DLG2: variants seen among roughly 807,000 people sequenced by gnomAD.
The protein encoded by DLG2 is discs large MAGUK scaffold protein 2.
Under a neutral mutation model 132.5 loss-of-function variants are expected in DLG2, and 45 were observed. The observed-to-expected ratio is 0.34, with a 90% CI of 0.27 to 0.44. DLG2 has a LOEUF of 0.44. DLG2 is among the 20% of genes least tolerant of loss of function. DLG2 has a pLI of 1.00. For synonymous variants in DLG2, 424 were observed against 419.6 expected (o/e 1.01, Z -0.13); for missense variants, 1,045 against 1,196.9 (o/e 0.87, Z 1.87).
intron 6 of DLG2, among the ~76,000 whole-genome samples, chr11:84,616,699 TTGA>T (rs1223679927): frequency 2.6e-5 from 4 of 152,162 alleles, no homozygotes; most frequent in African/African-American, 9.6e-5. Context: ...GAAAAATGAA[TTGA>T]TGATAATAAC....
intron 19 of DLG2, 129 bp downstream of exon 19, chr11:83,633,082 G>T: frequency 1.4e-6 from 1 of 711,656 alleles, no homozygotes; most frequent in Non-Finnish European, 2.4e-6. Flanking sequence ...TAAACACAAG[G>T]TCTTTCAGTA....
intron 4 of DLG2, among the ~76,000 whole-genome samples, chr11:85,155,443 T>C (rs967304387): frequency 3.3e-5 from 5 of 152,210 alleles, no homozygotes; most frequent in African/African-American, 1.2e-4. Context: ...GATGGAATTC[T>C]GACAGATTCA....
chr11:84,040,994 G>C (rs2096062860), intron 11 of DLG2, among the ~76,000 whole-genome samples: 1 of 151,468 alleles, frequency 6.6e-6, no homozygotes, highest in South Asian at 2.1e-4. Flanking sequence ...TTGTGAATGG[G>C]AGTTCACTCA....
At chr11:83,913,594 AG>A (rs2076433444) in intron 15 of DLG2, among the ~76,000 whole-genome samples, 1 of 152,060 alleles carries the variant, frequency 6.6e-6, no homozygotes, top group African/African-American at 2.4e-5. Context: ...AACTTCAGGG[AG>A]GGGTTTCTGG....
At chr11:84,754,062 G>T (rs1393096615) in intron 6 of DLG2, among the ~76,000 whole-genome samples, 2 of 152,204 alleles carry the variant, frequency 1.3e-5, no homozygotes, top group Non-Finnish European at 2.9e-5. Flanking sequence ...GAGGAAAGAA[G>T]AGGAGGTAAG....
chr11:83,556,382 T>C (rs1593114914), intron 19 of DLG2, among the ~76,000 whole-genome samples: 1 of 151,684 alleles, frequency 6.6e-6, no homozygotes, highest in East Asian at 1.9e-4. Context: ...TTCTTTCTTT[T>C]TTTTTTTTGA....
intron 19 of DLG2, chr11:83,631,463 T>C (rs961997949): frequency 6.6e-6 from 1 of 151,984 alleles, no homozygotes; most frequent in Non-Finnish European, 1.5e-5. Context: ...TAAAAAGAGG[T>C]TCCTCCTTTC....
intron 3 of DLG2, among the ~76,000 whole-genome samples, chr11:85,288,777 T>C (rs906622566): frequency 2.0e-5 from 3 of 152,166 alleles, no homozygotes; most frequent in Non-Finnish European, 4.4e-5. Flanking sequence ...TTTTTGTAGA[T>C]AGTAAAATTT....
intron 8 of DLG2, among the ~76,000 whole-genome samples, chr11:84,222,488 C>T (rs528658461): frequency 1.3e-5 from 2 of 152,280 alleles, no homozygotes; most frequent in South Asian, 4.1e-4. Context: ...TAAGAAAGGG[C>T]TATAAAATGT....
intron 15 of DLG2, among the ~76,000 whole-genome samples, chr11:83,928,404 C>T (rs983277109): frequency 5.9e-5 from 9 of 151,870 alleles, no homozygotes; most frequent in Non-Finnish European, 1.0e-4. Flanking sequence ...GCTACTTCTT[C>T]GTGAATTTTT....
At chr11:84,309,314 G>A (rs2098264379) in intron 7 of DLG2, among the ~76,000 whole-genome samples, 1 of 152,190 alleles carries the variant, frequency 6.6e-6, no homozygotes, top group South Asian at 2.1e-4. Context: ...GTAACTTTTT[G>A]TATAATGTCC....
At chr11:85,313,784 T>C (rs1221038383) in intron 3 of DLG2, among the ~76,000 whole-genome samples, 1 of 151,968 alleles carries the variant, frequency 6.6e-6, no homozygotes, top group Non-Finnish European at 1.5e-5. Context: ...TTTTTTTTTA[T>C]TCAGCAGTTA....
intron 19 of DLG2, among the ~76,000 whole-genome samples, chr11:83,551,091 C>A (rs767733384): frequency 2.0e-5 from 3 of 152,134 alleles, no homozygotes; most frequent in Non-Finnish European, 2.9e-5. Flanking sequence ...GTATGATTTT[C>A]AGCAAATTAC....
At chr11:84,658,886 C>T (rs1279301002) in intron 6 of DLG2, among the ~76,000 whole-genome samples, 2 of 152,144 alleles carry the variant, frequency 1.3e-5, no homozygotes, top group Non-Finnish European at 2.9e-5. Context: ...GCAATGCACA[C>T]TGGACTAACA....
At chr11:85,506,688 A>G (rs1021669800) in intron 3 of DLG2, among the ~76,000 whole-genome samples, 6 of 152,194 alleles carry the variant, frequency 3.9e-5, no homozygotes, top group Non-Finnish European at 7.3e-5. Context: ...AAGAATGTAT[A>G]TTCTGTTGAT....
intron 6 of DLG2, among the ~76,000 whole-genome samples, chr11:84,830,370 G>A (rs557699540): frequency 7.0e-5 from 10 of 141,988 alleles, no homozygotes; most frequent in African/African-American, 1.8e-4. Flanking sequence ...CGTCATCTAC[G>A]TTTTTTTTTT....
chr11:83,566,930 C>T (rs2096719359), intron 19 of DLG2, among the ~76,000 whole-genome samples: 1 of 152,064 alleles, frequency 6.6e-6, no homozygotes, highest in Non-Finnish European at 1.5e-5. Flanking sequence ...CTAGTAAGTG[C>T]TATTATGATC....
chr11:84,173,108 T>G (rs1314650226), intron 8 of DLG2, among the ~76,000 whole-genome samples: 1 of 152,170 alleles, frequency 6.6e-6, no homozygotes, highest in Admixed American at 6.5e-5. Flanking sequence ...ATATACAAAA[T>G]TGTCTTGATT....
chr11:84,826,265 C>T lies in DLG2; in HGVS notation c.357+285396G>A, dbSNP rs1029796535. ...TAAATTAGAATTTACTATAGTCATT[C>T]TTTTGTGCTAGCAAATAGTAGGCCT... On this transcript the variant is annotated intron_variant, in intron 6 of 27. Coordinates refer to ENST00000376104, the MANE Select transcript of DLG2 (RefSeq NM_001142699.3). 6.1e-4 allele frequency among the ~76,000 whole-genome samples: 92 copies of T among 151,856 alleles called. 7 individuals are homozygous for T. Among genetic ancestry groups the T allele is most frequent in the Non-Finnish European group, 1.9e-4 (13 of 67,884 alleles).
Sources: gnomAD v4.1 joint callset for allele counts (sites outside exome capture counted in the v4.1 genomes callset) on GRCh38, gnomAD v4.1.1 for gene constraint, MANE v1.5 for transcripts, NCBI Gene and HGNC (gene_info 2026-07-23, HGNC 2026-07-21) for gene names.